Variants in FAM13B observed in about 807,000 individuals in gnomAD.
The protein encoded by FAM13B is protein FAM13B.
Under a neutral mutation model 117.3 loss-of-function variants are expected in FAM13B, and 60 were observed. The ratio of observed to expected loss-of-function variants is 0.51; its 90% CI spans 0.42 to 0.63. The LOEUF is 0.63. Ranked by LOEUF, FAM13B falls within the 30% of genes least tolerant of loss-of-function variation. The pLI is 0.00. For missense variants in FAM13B, 972 were observed against 1,091.9 expected (o/e 0.89, Z 1.55); for synonymous variants, 332 against 356.1 (o/e 0.93, Z 0.76).
intron 14 of FAM13B, chr5:137,954,631 T>G (rs1199939045): frequency 1.1e-5 from 2 of 185,694 alleles, no homozygotes; most frequent in African/African-American, 2.5e-5. Flanking sequence ...TTTTTTTTTT[T>G]GAGATAAGGT....
At chr5:137,991,722 A>AT (rs1778643162) in intron 7 of FAM13B, among the ~76,000 whole-genome samples, 1 of 152,256 alleles carries the variant, frequency 6.6e-6, no homozygotes, top group African/African-American at 2.4e-5. Context: ...TTTGGTATCC[A>AT]TATGGGAAAA....
chr5:138,010,501 T>C (rs1783706809), intron 6 of FAM13B, among the ~76,000 whole-genome samples: 1 of 152,222 alleles, frequency 6.6e-6, no homozygotes, highest in Admixed American at 6.5e-5. Flanking sequence ...GATTTTAATA[T>C]TCTAGAGTCA....
chr5:137,982,936 C>G (rs909891921), intron 10 of FAM13B, among the ~76,000 whole-genome samples: 4 of 152,028 alleles, frequency 2.6e-5, no homozygotes, highest in African/African-American at 9.7e-5. Flanking sequence ...AGTGGAAATG[C>G]TGGGTGCCTA....
intron 9 of FAM13B, among the ~76,000 whole-genome samples, chr5:137,985,727 A>C (rs1777038466): frequency 6.6e-6 from 1 of 152,242 alleles, no homozygotes; most frequent in Admixed American, 6.5e-5. Context: ...ATCAAATACA[A>C]GTCCAGTACT....
intron 1 of FAM13B, chr5:138,051,811 A>C (rs563871814): frequency 2.0e-5 from 3 of 152,182 alleles, no homozygotes; most frequent in Non-Finnish European, 4.4e-5. Context: ...CACATTCCCC[A>C]CTATATCACT....
At chr5:137,959,009 A>T (rs527705348) in intron 13 of FAM13B, among the ~76,000 whole-genome samples, 1 of 152,328 alleles carries the variant, frequency 6.6e-6, no homozygotes, top group South Asian at 2.1e-4. Flanking sequence ...AACTTTATAT[A>T]CAAAGAAACA....
In FAM13B at chr5:137,999,060, T is replaced by C. The variant is rs186657639; in HGVS notation, c.848+7930A>G. On this transcript the variant is annotated intron_variant, in intron 7 of 23. Transcript: ENST00000689681. ...GCATTTAGGGCCTCCTCGCAGGCCC[T>C]TGCACTCAAGGCCTGTAATTGATTT... Among the ~76,000 whole-genome samples the C allele has an allele frequency of 2.2e-3, 329 of 152,170 alleles. 3 individuals carry two copies. The highest frequency in any genetic ancestry group is 7.1e-4 in the Non-Finnish European group (48 of 68,012).
intron 18 of FAM13B, among the ~76,000 whole-genome samples, chr5:137,947,930 G>C (rs1408120971): frequency 1.3e-5 from 2 of 152,050 alleles, no homozygotes; most frequent in Non-Finnish European, 2.9e-5. Flanking sequence ...GAGGGGAAGA[G>C]ATGAGAATGA....
Position 137,987,489 on chromosome 5 carries a change from G to A in FAM13B, c.1018C>T (p.His340Tyr). 3.1e-6 allele frequency: 5 copies of A among 1,612,362 alleles called. No individual in the cohort carries two copies. The Middle Eastern group carries it at 8.3e-4, about 266-fold the overall frequency. The change falls in exon 9 of 24, where the codon CAT becomes TAT. Residue 340 changes from histidine to tyrosine, a missense_variant. Coordinates refer to ENST00000689681, the MANE Select transcript of FAM13B (RefSeq NM_001385994.1). ...VVCNNEAESI[H>Y]CDGEGSNNQI... Reference sequence around the variant, plus strand: ...TTATTAGATCCTTCCCCATCACAATGAATACTTTCTGCTTCATTATTACAC... The same window carrying A: ...TTATTAGATCCTTCCCCATCACAATAAATACTTTCTGCTTCATTATTACAC...
At chr5:138,027,075 T>C (rs1319842249) in intron 1 of FAM13B, among the ~76,000 whole-genome samples, 3 of 152,114 alleles carry the variant, frequency 2.0e-5, no homozygotes, top group Non-Finnish European at 4.4e-5. Context: ...TTTGAGGCTG[T>C]AGCGAGCTGT....
At position 137,938,579 on chromosome 5, in the gene FAM13B, C is replaced by T. The variant is rs906869227; in HGVS notation, c.*1646G>A. 5 of 152,498 alleles carry T rather than the reference C, an allele frequency of 3.3e-5. No homozygotes were observed. The highest frequency in any genetic ancestry group is 9.7e-5 in the African/African-American group (4 of 41,404). 9.4% of individuals were successfully genotyped at this position (152,498 alleles called of 1,614,324 possible). Reference sequence around the variant, plus strand: ...CTAGTTGTATCAAAAGGAAACCACACAAAAAGGGCAGGATTTAGTGCTTTT... The same window carrying T: ...CTAGTTGTATCAAAAGGAAACCACATAAAAAGGGCAGGATTTAGTGCTTTT... On this transcript the variant is annotated 3_prime_UTR_variant, in exon 24 of 24. Transcript: ENST00000689681.
intron 4 of FAM13B, among the ~76,000 whole-genome samples, chr5:138,017,618 C>T (rs940355999): frequency 1.3e-5 from 2 of 152,056 alleles, no homozygotes; most frequent in African/African-American, 4.8e-5. Context: ...ACATGAATAC[C>T]ATTTGGCTCT....
intron 10 of FAM13B, among the ~76,000 whole-genome samples, chr5:137,977,201 C>T (rs1048454051): frequency 6.6e-6 from 1 of 152,174 alleles, no homozygotes; most frequent in Non-Finnish European, 1.5e-5. Context: ...AGGAAATTCC[C>T]GCCTAATAAA....
intron 7 of FAM13B, among the ~76,000 whole-genome samples, chr5:137,992,966 G>A (rs1325776055): frequency 6.8e-6 from 1 of 148,050 alleles, no homozygotes; most frequent in Non-Finnish European, 1.5e-5. Context: ...ACAGCAAAAT[G>A]GATAATTGTG....
chr5:138,040,385 T>A (rs1225064095), intron 1 of FAM13B, among the ~76,000 whole-genome samples: 1 of 149,798 alleles, frequency 6.7e-6, no homozygotes, highest in Admixed American at 6.7e-5. Context: ...CTGGCCAATA[T>A]GGTGAAACGC....
At chr5:137,988,590 T>C (rs1250883969) in intron 7 of FAM13B, among the ~76,000 whole-genome samples, 2 of 152,234 alleles carry the variant, frequency 1.3e-5, no homozygotes, top group East Asian at 3.8e-4. Context: ...GACCATTACA[T>C]GCATTTATCT....
chr5:138,024,579 TAAAAAA>T (rs56110483), intron 1 of FAM13B, among the ~76,000 whole-genome samples: 1 of 140,178 alleles, frequency 7.1e-6, no homozygotes, highest in African/African-American at 2.6e-5. Context: ...TATTACATTC[TAAAAAA>T]AAAAAAGAAA....
chr5:138,048,940 C>CTTTTTTTT (rs35414064), intron 1 of FAM13B, among the ~76,000 whole-genome samples: 1 of 122,458 alleles, frequency 8.2e-6, no homozygotes. Flanking sequence ...TGATACATTT[C>CTTTTTTTT]TTTTTTTTTT....
rs978528496 is a variant in FAM13B at position 138,018,661 on chromosome 5, C to T, written c.158-147G>A. 2.1e-4 allele frequency: 143 copies of T among 693,796 alleles called. 1 individual carries two copies. The highest frequency in any genetic ancestry group is 2.4e-4 in the Non-Finnish European group (101 of 416,022). 43.0% of individuals were successfully genotyped at this position (693,796 alleles called of 1,614,324 possible). On this transcript the variant is annotated intron_variant, in intron 3 of 23. Coordinates refer to ENST00000689681, the MANE Select transcript of FAM13B (RefSeq NM_001385994.1). ...CTTGTCTAAAAACCTTCAAATTATA[C>T]ATCTAGAAACATACTATCTCTGTTC...
Sources: gnomAD v4.1 joint callset for allele counts (sites outside exome capture counted in the v4.1 genomes callset) on GRCh38, gnomAD v4.1.1 for gene constraint, MANE v1.5 for transcripts, NCBI Gene and HGNC (gene_info 2026-07-23, HGNC 2026-07-21) for gene names.